The following DSCAML1 variants were observed in gnomAD, a reference collection of about 807,000 sequenced individuals.
The protein encoded by DSCAML1 is cell adhesion molecule DSCAML1.
Under a neutral mutation model 200.5 loss-of-function variants are expected in DSCAML1, and 38 were observed. The observed-to-expected ratio is 0.19, with a 90% CI of 0.15 to 0.25. DSCAML1 has a LOEUF of 0.25. Among genes scored for constraint, DSCAML1 ranks in the 10% least tolerant of loss-of-function variants. The probability of loss-of-function intolerance (pLI) is 1.00; values close to 1 mark genes in which losing one functional copy is unlikely to be tolerated. For missense variants in DSCAML1, 2,223 were observed against 2,858.8 expected (o/e 0.78, Z 5.07); for synonymous variants, 1,215 against 1,165.0 (o/e 1.04, Z -0.87).
At chr11:117,675,314 G>A (rs1239902318) in intron 3 of DSCAML1, among the ~76,000 whole-genome samples, 1 of 151,988 alleles carries the variant, frequency 6.6e-6, no homozygotes, top group Non-Finnish European at 1.5e-5. Context: ...TTCCAAGCCT[G>A]CCAGCCAGGA....
intron 3 of DSCAML1, among the ~76,000 whole-genome samples, chr11:117,632,443 C>A (rs1440511286): frequency 6.6e-6 from 1 of 152,168 alleles, no homozygotes; most frequent in Non-Finnish European, 1.5e-5. Context: ...TTTCTTGAAG[C>A]CTTCTTGTTT....
chr11:117,552,944 G>A (rs1265023034), intron 3 of DSCAML1, among the ~76,000 whole-genome samples: 1 of 152,200 alleles, frequency 6.6e-6, no homozygotes, highest in East Asian at 1.9e-4. Context: ...CCGGGGAAGT[G>A]CGTGGTTGGG....
chr11:117,564,157 T>C (rs2050713308), intron 3 of DSCAML1, among the ~76,000 whole-genome samples: 1 of 152,344 alleles, frequency 6.6e-6, no homozygotes, highest in Admixed American at 6.5e-5. Flanking sequence ...GAGGGAAAAG[T>C]GTAAGCTTGG....
chr11:117,620,231 G>C (rs371576405), intron 3 of DSCAML1, among the ~76,000 whole-genome samples: 5 of 152,042 alleles, frequency 3.3e-5, no homozygotes, highest in Non-Finnish European at 7.4e-5. Flanking sequence ...AGCTCCAGCC[G>C]GCCATGATCC....
At chr11:117,474,874 C>T (rs1592634892) in intron 14 of DSCAML1, among the ~76,000 whole-genome samples, 1 of 151,996 alleles carries the variant, frequency 6.6e-6, no homozygotes, top group East Asian at 1.9e-4. Context: ...CCTGCCTCAG[C>T]CTCCGGAGTA....
chr11:117,432,390 C>T lies in DSCAML1; in HGVS notation c.5141G>A (p.Gly1714Glu). The change falls in exon 30 of 33, where the codon GGA becomes GAA. Residue 1714 changes from glycine to glutamate, a missense_variant. Coordinates refer to ENST00000651296, the MANE Select transcript of DSCAML1 (RefSeq NM_020693.4). ...GATGTCAGACATGTCGATGAGGGGT[C>T]CTGTGCTCTGGATGAGGGTTGGGTG... ...LHHPTLIQSTGPLIDMSDIRP... is the reference protein window; with the variant it reads ...LHHPTLIQSTEPLIDMSDIRP... 6.2e-7 allele frequency: 1 copy of T among 1,614,050 alleles called. No homozygotes were observed. The highest frequency in any genetic ancestry group is 8.5e-7 in the Non-Finnish European group (1 of 1,180,016).
chr11:117,587,132 A>T (rs932992115), intron 3 of DSCAML1, among the ~76,000 whole-genome samples: 2 of 151,418 alleles, frequency 1.3e-5, no homozygotes, highest in South Asian at 4.2e-4. Flanking sequence ...CTGCCCCCTC[A>T]GAGATGGCTG....
intron 3 of DSCAML1, among the ~76,000 whole-genome samples, chr11:117,758,158 G>A (rs891906628): frequency 6.6e-6 from 1 of 151,516 alleles, no homozygotes; most frequent in African/African-American, 2.4e-5. Context: ...AAAATTAGCT[G>A]GGCATGGTGG....
At chr11:117,546,149 C>T (rs761717283) in intron 3 of DSCAML1, among the ~76,000 whole-genome samples, 9 of 152,196 alleles carry the variant, frequency 5.9e-5, no homozygotes, top group Non-Finnish European at 1.3e-4. Flanking sequence ...TTATCTCTGC[C>T]TTTGGGCTCT....
chr11:117,596,278 C>A lies in DSCAML1; in HGVS notation c.512-63756G>T, dbSNP rs189277327. On this transcript the variant is annotated intron_variant, in intron 3 of 32. Coordinates refer to ENST00000651296, the MANE Select transcript of DSCAML1 (RefSeq NM_020693.4). ...AGAATTGCTACTCTTAAGTCCAGATCTTTTGAAACTACAAGACTCTGTTCT... is the reference window on the plus strand; with the variant it reads ...AGAATTGCTACTCTTAAGTCCAGATATTTTGAAACTACAAGACTCTGTTCT... Among the ~76,000 whole-genome samples, 7 of 152,074 alleles carry A rather than the reference C, an allele frequency of 4.6e-5. No homozygotes were observed. The East Asian group carries it at 1.2e-3, about 25-fold the overall frequency.
At chr11:117,562,120 G>T (rs2050674658) in intron 3 of DSCAML1, among the ~76,000 whole-genome samples, 2 of 152,210 alleles carry the variant, frequency 1.3e-5, no homozygotes, top group African/African-American at 2.4e-5. Context: ...GTTCAGAGGG[G>T]CAGGCTTTCT....
At chr11:117,669,314 G>A (rs540923827) in intron 3 of DSCAML1, among the ~76,000 whole-genome samples, 4 of 152,322 alleles carry the variant, frequency 2.6e-5, no homozygotes, top group South Asian at 4.1e-4. Flanking sequence ...TCTGGGGGAC[G>A]GGCCCTCGGG....
At chr11:117,766,905 C>A (rs984069452) in intron 3 of DSCAML1, among the ~76,000 whole-genome samples, 7 of 152,088 alleles carry the variant, frequency 4.6e-5, no homozygotes, top group Admixed American at 3.9e-4. Context: ...TAGGGAGCTG[C>A]GGGCATGTTC....
intron 3 of DSCAML1, among the ~76,000 whole-genome samples, chr11:117,715,867 C>G (rs1035936524): frequency 2.6e-5 from 4 of 152,214 alleles, no homozygotes; most frequent in African/African-American, 7.2e-5. Flanking sequence ...TAACCCTCCT[C>G]TATCCATTAT....
At chr11:117,452,707 TTTAA>T (rs58368446) in intron 19 of DSCAML1, among the ~76,000 whole-genome samples, 6 of 152,182 alleles carry the variant, frequency 3.9e-5, no homozygotes, top group Admixed American at 2.0e-4. Flanking sequence ...TTGTGGCTTC[TTTAA>T]TTAAGTCAAA....
At chr11:117,478,981 A>G (rs1370454998) in intron 14 of DSCAML1, among the ~76,000 whole-genome samples, 1 of 152,162 alleles carries the variant, frequency 6.6e-6, no homozygotes, top group Non-Finnish European at 1.5e-5. Context: ...CTCTGTAGAC[A>G]TGTGTATCAA....
rs1338135420 is a variant in DSCAML1, at chr11:117,458,789, C to T, written c.3533G>A (p.Arg1178His). 9 of 1,613,812 alleles carry T rather than the reference C, an allele frequency of 5.6e-6. No individual in the cohort carries two copies. Among genetic ancestry groups the T allele is most frequent in the Non-Finnish European group, 6.8e-6 (8 of 1,179,996 alleles). The change falls in exon 19 of 33, where the codon CGC becomes CAC. Residue 1178 changes from arginine to histidine, a missense_variant. Physicochemically the swap from Arg to His is conservative, Grantham distance 29. This residue lies in a region of DSCAML1 where 438 missense variants were observed against 629.7 expected (regional missense o/e 0.70). Coordinates refer to ENST00000651296, the MANE Select transcript of DSCAML1 (RefSeq NM_020693.4). ...GGTCTGGATGTAGAGCACACTGCTG[C>T]GTACGCCGTCCCCAGCCTGGGTGTA... ...LAYTQAGDGV[R>H]SSVLYIQTKE...
At chr11:117,485,872 G>A (rs2049037407) in intron 11 of DSCAML1, among the ~76,000 whole-genome samples, 1 of 152,226 alleles carries the variant, frequency 6.6e-6, no homozygotes, top group African/African-American at 2.4e-5. Flanking sequence ...CTCCATTGAA[G>A]TGTCAAAAGT....
At chr11:117,452,839 C>CAAT (rs1339318095) in intron 19 of DSCAML1, among the ~76,000 whole-genome samples, 1 of 152,194 alleles carries the variant, frequency 6.6e-6, no homozygotes, top group Non-Finnish European at 1.5e-5. Flanking sequence ...AGTCTAATAT[C>CAAT]AATGGGCACT....
Sources: gnomAD v4.1 joint callset for allele counts (sites outside exome capture counted in the v4.1 genomes callset) on GRCh38, gnomAD v4.1.1 for gene constraint, gnomAD v4.1.1 regional missense constraint, MANE v1.5 for transcripts, NCBI Gene and HGNC (gene_info 2026-07-23, HGNC 2026-07-21) for gene names.